Variants in SH3BGR observed in about 807,000 individuals in gnomAD.
The protein encoded by SH3BGR is SH3 domain binding glutamate rich protein.
SH3BGR carries 29 observed loss-of-function variants against 24.5 expected under a neutral mutation model. The ratio of observed to expected loss-of-function variants is 1.18; its 90% confidence interval spans 0.88 to 1.61. The LOEUF is 1.61. Ranked by LOEUF, SH3BGR falls within the 40% of genes most tolerant of loss-of-function variation. The probability of loss-of-function intolerance (pLI) is 0.00; values close to 1 mark genes in which losing one functional copy is unlikely to be tolerated. For missense variants in SH3BGR, 162 were observed against 205.8 expected, an observed-to-expected ratio of 0.79 and a Z score of 1.30; for synonymous variants, 55 against 65.7, an observed-to-expected ratio of 0.84 and a Z score of 0.79.
At chr21:39,459,197 T>C (rs2077714077) in intron 1 of SH3BGR, among the ~76,000 whole-genome samples, 1 of 151,772 alleles carries the variant, frequency 6.6e-6, no homozygotes, top group Non-Finnish European at 1.5e-5. Context: ...TCTCCCTACC[T>C]ACCTTCCTTC....
Position 39,509,471 on chromosome 21 carries a change from GTTT to G in SH3BGR, c.435+463_435+465del, listed in dbSNP as rs560071613. On this transcript the variant is annotated intron_variant, in intron 5 of 6. Coordinates refer to ENST00000333634, the MANE Select transcript of SH3BGR (RefSeq NM_007341.3). The stretch of plus-strand genomic sequence containing the variant: ...CATCTTTGAATTAATCACTTTTATT[GTTT>G]TTTTTTTTTTTTTTTTTTGAGACAG... 4.2e-3 allele frequency among the ~76,000 whole-genome samples: 432 copies of G among 103,916 alleles called. 1 individual carries two copies. The highest frequency in any genetic ancestry group is 6.2e-3 in the Non-Finnish European group (328 of 52,626). The allele number at this position is 103,916 out of a possible 152,430, so 68.2% of individuals were successfully genotyped here.
chr21:39,484,352 G>C (rs994147089), intron 3 of SH3BGR, among the ~76,000 whole-genome samples: 4 of 152,136 alleles, frequency 2.6e-5, no homozygotes, highest in African/African-American at 4.8e-5. Context: ...CAAAGTCAAT[G>C]AAACACTCCG....
At chr21:39,506,918 A>G (rs992609181) in intron 4 of SH3BGR, among the ~76,000 whole-genome samples, 2 of 152,178 alleles carry the variant, frequency 1.3e-5, no homozygotes, top group African/African-American at 4.8e-5. Flanking sequence ...GGAGGTGATA[A>G]TCACTCTTTA....
chr21:39,492,969 G>A (rs1340601273), intron 3 of SH3BGR, among the ~76,000 whole-genome samples: 1 of 151,566 alleles, frequency 6.6e-6, no homozygotes, highest in Non-Finnish European at 1.5e-5. Context: ...TTGATGGGAC[G>A]TTTTTTCTTG....
chr21:39,452,061 G>A lies in SH3BGR; in HGVS notation c.-36G>A, dbSNP rs2077583032. The A allele has an allele frequency of 2.5e-6, 4 of 1,614,070 alleles. No individual in the cohort carries two copies. Among genetic ancestry groups the A allele is most frequent in the African/African-American group, 1.3e-5 (1 of 75,010 alleles). Reference sequence around the variant, plus strand: ...GTCTAGCGGCGCATTCCCTGACAGGGGTGTGTTGGGGGGAGTCCTCTTTCC... The same window carrying A: ...GTCTAGCGGCGCATTCCCTGACAGGAGTGTGTTGGGGGGAGTCCTCTTTCC... On this transcript the variant is annotated 5_prime_UTR_variant, in exon 1 of 7. Transcript: ENST00000333634.
intron 2 of SH3BGR, among the ~76,000 whole-genome samples, chr21:39,468,363 G>C (rs2077878597): frequency 6.6e-6 from 1 of 152,234 alleles, no homozygotes; most frequent in Non-Finnish European, 1.5e-5. Flanking sequence ...AGTTTAAGAA[G>C]GACAGTATAC....
At chr21:39,454,870 A>G (rs2077630260) in intron 1 of SH3BGR, among the ~76,000 whole-genome samples, 1 of 152,220 alleles carries the variant, frequency 6.6e-6, no homozygotes, top group Non-Finnish European at 1.5e-5. Flanking sequence ...GGTGCCTGAC[A>G]GTGCAGGTTT....
intron 5 of SH3BGR, among the ~76,000 whole-genome samples, chr21:39,510,462 T>TAC (rs148597054): frequency 0.49 from 54,295 of 110,330 alleles, 14,438 homozygotes; most frequent in East Asian, 0.66. Context: ...ACACTGTAGC[T>TAC]ACACACACAC....
chr21:39,482,898 G>C (rs1389750758), intron 3 of SH3BGR, among the ~76,000 whole-genome samples: 1 of 152,172 alleles, frequency 6.6e-6, no homozygotes, highest in Non-Finnish European at 1.5e-5. Context: ...TCGAACTCCT[G>C]ACCTTAGGTA....
intron 3 of SH3BGR, among the ~76,000 whole-genome samples, chr21:39,478,901 A>G (rs973768338): frequency 3.3e-5 from 5 of 151,714 alleles, no homozygotes; most frequent in Non-Finnish European, 5.9e-5. Flanking sequence ...TAGGTTCATT[A>G]TTTTTCTTAA....
At chr21:39,463,040 C>T (rs566506633) in intron 2 of SH3BGR, among the ~76,000 whole-genome samples, 19 of 152,212 alleles carry the variant, frequency 1.2e-4, no homozygotes, top group African/African-American at 4.1e-4. Flanking sequence ...TGCAGTACTC[C>T]ACCCAGCTAA....
At chr21:39,448,214 A>G (rs556894298), upstream of SH3BGR, among the ~76,000 whole-genome samples, 1 of 152,084 alleles carries the variant, frequency 6.6e-6, no homozygotes, top group Admixed American at 6.5e-5. Flanking sequence ...ATCTGTAAAG[A>G]CTCTATTTCC....
intron 3 of SH3BGR, among the ~76,000 whole-genome samples, chr21:39,476,447 C>T (rs566515998): frequency 5.9e-5 from 9 of 152,160 alleles, no homozygotes; most frequent in Admixed American, 1.3e-4. Context: ...GTAGTGAGAA[C>T]GAGGGACTAT....
intron 2 of SH3BGR, among the ~76,000 whole-genome samples, chr21:39,465,028 G>C (rs2077817531): frequency 1.3e-5 from 2 of 152,012 alleles, no homozygotes; most frequent in African/African-American, 4.8e-5. Flanking sequence ...TGTTGCCCAG[G>C]CTGGAGTGCA....
intron 3 of SH3BGR, among the ~76,000 whole-genome samples, chr21:39,496,802 A>G (rs1156797702): frequency 6.6e-6 from 1 of 152,116 alleles, no homozygotes; most frequent in Non-Finnish European, 1.5e-5. Context: ...AACATAGTTT[A>G]ATTTTATTCT....
At chr21:39,507,891 G>A (rs2078611180) in intron 4 of SH3BGR, among the ~76,000 whole-genome samples, 1 of 152,166 alleles carries the variant, frequency 6.6e-6, no homozygotes, top group Non-Finnish European at 1.5e-5. Context: ...AAAGAGCTGG[G>A]ATTACAGGCA....
chr21:39,473,360 A>G (rs1195789304), intron 2 of SH3BGR, among the ~76,000 whole-genome samples: 1 of 152,200 alleles, frequency 6.6e-6, no homozygotes, highest in Non-Finnish European at 1.5e-5. Context: ...TACTGCTACT[A>G]CTATTAACGT....
At chr21:39,504,832 T>C (rs1261689083) in intron 4 of SH3BGR, among the ~76,000 whole-genome samples, 6 of 152,172 alleles carry the variant, frequency 3.9e-5, no homozygotes, top group Admixed American at 1.3e-4. Flanking sequence ...ATTATTATTA[T>C]TTTTATTTAT....
At chr21:39,448,744 G>A (rs1002114379), upstream of SH3BGR, among the ~76,000 whole-genome samples, 1 of 152,138 alleles carries the variant, frequency 6.6e-6, no homozygotes, top group Non-Finnish European at 1.5e-5. Context: ...GGTTAGTTAC[G>A]TATTTTTGCA....
Sources: gnomAD v4.1 joint callset for allele counts (sites outside exome capture counted in the v4.1 genomes callset) on GRCh38, gnomAD v4.1.1 for gene constraint, MANE v1.5 for transcripts, NCBI Gene and HGNC (gene_info 2026-07-23, HGNC 2026-07-21) for gene names.